ZNF804B: variants seen among roughly 807,000 people sequenced by gnomAD.
ZNF804B encodes the protein zinc finger 804B.
In ZNF804B, 80 loss-of-function variants were observed where a neutral mutation model predicts 101.4. The ratio of observed to expected loss-of-function variants is 0.79; its 90% confidence interval spans 0.66 to 0.95. ZNF804B has a LOEUF of 0.95. Ranked by LOEUF, ZNF804B falls within the 40% of genes least tolerant of loss-of-function variation. ZNF804B has a pLI of 0.00. For missense variants in ZNF804B, 1,673 were observed against 1,561.9 expected (o/e 1.07, Z -1.20); for synonymous variants, 622 against 558.8 (o/e 1.11, Z -1.59).
intron 1 of ZNF804B, among the ~76,000 whole-genome samples, chr7:89,035,907 T>A (rs1207159945): frequency 1.4e-5 from 2 of 145,196 alleles, no homozygotes; most frequent in African/African-American, 2.5e-5. Flanking sequence ...ATTATATATT[T>A]ATATATTATA....
At chr7:89,249,803 A>G (rs1245253832) in intron 2 of ZNF804B, among the ~76,000 whole-genome samples, 1 of 152,196 alleles carries the variant, frequency 6.6e-6, no homozygotes, top group African/African-American at 2.4e-5. Context: ...GAAGTGAATG[A>G]AATTGAGACC....
At chr7:89,138,048 G>A (rs764832764) in intron 1 of ZNF804B, among the ~76,000 whole-genome samples, 4 of 152,148 alleles carry the variant, frequency 2.6e-5, no homozygotes, top group African/African-American at 9.6e-5. Flanking sequence ...GAGCCTTCAG[G>A]TGCACAGAAG....
At chr7:88,937,497 C>T (rs529103480) in intron 1 of ZNF804B, among the ~76,000 whole-genome samples, 1 of 151,970 alleles carries the variant, frequency 6.6e-6, no homozygotes, top group Non-Finnish European at 1.5e-5. Flanking sequence ...GCATCAAAAC[C>T]CCAGCTTCCC....
Position 88,773,888 on chromosome 7 carries a change from A to T in ZNF804B, c.108+13804A>T, listed in dbSNP as rs1042264652. Among the ~76,000 whole-genome samples the T allele has an allele frequency of 5.3e-5, 8 of 152,198 alleles. No homozygotes were observed. In the East Asian group the frequency reaches 1.6e-3, roughly 30 times the overall value. On this transcript the variant is annotated intron_variant, in intron 1 of 3. Transcript: ENST00000333190. Reference sequence around the variant, plus strand: ...TGAGGACAGCACAAAGCCATGAGGGATCCGCCCCAGTGATCTGAACACCTC... The same window carrying T: ...TGAGGACAGCACAAAGCCATGAGGGTTCCGCCCCAGTGATCTGAACACCTC...
rs1584115713 is a variant in ZNF804B, at chr7:89,305,468, T to C, written c.250-21876T>C. Among the ~76,000 whole-genome samples the C allele has an allele frequency of 2.0e-5, 3 of 151,970 alleles. No homozygotes were observed. The South Asian group carries it at 6.2e-4, about 31-fold the overall frequency. The stretch of plus-strand genomic sequence containing the variant: ...AGAGGCTGGTGTAATTTTGAGTAGG[T>C]AGTGTCTCTGTCATAGTGTCCATTT... On this transcript the variant is annotated intron_variant, in intron 2 of 3. Transcript: ENST00000333190.
intron 2 of ZNF804B, among the ~76,000 whole-genome samples, chr7:89,302,780 C>T (rs1473761675): frequency 1.3e-5 from 2 of 151,884 alleles, no homozygotes; most frequent in East Asian, 3.9e-4. Flanking sequence ...ATGCCTATCT[C>T]CATTCCCTTC....
At chr7:89,112,030 TG>T (rs1790224978) in intron 1 of ZNF804B, among the ~76,000 whole-genome samples, 2 of 147,082 alleles carry the variant, frequency 1.4e-5, no homozygotes, top group Non-Finnish European at 3.0e-5. Context: ...CGCTTGAACC[TG>T]GGAGACCTAG....
At chr7:89,270,431 G>C (rs1789874284) in intron 2 of ZNF804B, among the ~76,000 whole-genome samples, 1 of 152,118 alleles carries the variant, frequency 6.6e-6, no homozygotes. Context: ...CTATATTTCT[G>C]TTTTGGTACC....
At chr7:89,090,505 A>T (rs536344936) in intron 1 of ZNF804B, among the ~76,000 whole-genome samples, 1 of 152,232 alleles carries the variant, frequency 6.6e-6, no homozygotes, top group Admixed American at 6.5e-5. Context: ...AAATAAATGT[A>T]ACCCAAAATA....
At chr7:89,237,500 A>C (rs549490351) in intron 2 of ZNF804B, among the ~76,000 whole-genome samples, 1 of 152,318 alleles carries the variant, frequency 6.6e-6, no homozygotes, top group South Asian at 2.1e-4. Context: ...ATGTTAAAGT[A>C]CTTCATAAGT....
At chr7:89,291,745 T>A (rs1208890) in intron 2 of ZNF804B, among the ~76,000 whole-genome samples, 138,697 of 152,178 alleles carry the variant, frequency 0.91, 63,337 homozygotes, top group East Asian at 1. Flanking sequence ...AACTTCCTAA[T>A]CCTAGAGAAA....
At chr7:89,138,328 A>AG (rs1299636305) in intron 1 of ZNF804B, among the ~76,000 whole-genome samples, 1 of 152,106 alleles carries the variant, frequency 6.6e-6, no homozygotes, top group Non-Finnish European at 1.5e-5. Context: ...CTCTTGCTTC[A>AG]GCGTGACCTG....
chr7:89,103,849 T>C (rs987996134), intron 1 of ZNF804B, among the ~76,000 whole-genome samples: 10 of 152,052 alleles, frequency 6.6e-5, no homozygotes, highest in Non-Finnish European at 7.4e-5. Context: ...TCATTCAGTA[T>C]GACATTGGTT....
chr7:89,012,543 G>A (rs1006930911), intron 1 of ZNF804B, among the ~76,000 whole-genome samples: 3 of 152,170 alleles, frequency 2.0e-5, no homozygotes, highest in African/African-American at 7.2e-5. Context: ...GAGGCCATCA[G>A]TCTTTTTGCT....
chr7:89,328,170 T>C (rs940812505), intron 3 of ZNF804B, among the ~76,000 whole-genome samples: 1 of 151,948 alleles, frequency 6.6e-6, no homozygotes. Flanking sequence ...GTGAAACTTA[T>C]GCCTCTGTGC....
chr7:89,186,958 C>T (rs142781490), intron 1 of ZNF804B, among the ~76,000 whole-genome samples: 1 of 152,144 alleles, frequency 6.6e-6, no homozygotes, highest in African/African-American at 2.4e-5. Context: ...AGGCAAACCA[C>T]TTTTCTAGCC....
intron 1 of ZNF804B, among the ~76,000 whole-genome samples, chr7:89,159,089 G>T (rs969162513): frequency 1.3e-5 from 2 of 152,094 alleles, no homozygotes; most frequent in African/African-American, 4.8e-5. Context: ...CTAGTACCTT[G>T]AGAGGAGTGA....
chr7:88,865,565 A>G (rs965946832), intron 1 of ZNF804B, among the ~76,000 whole-genome samples: 11 of 152,142 alleles, frequency 7.2e-5, no homozygotes, highest in Non-Finnish European at 1.6e-4. Flanking sequence ...ACATAAATGC[A>G]TATATAAAAT....
At chr7:88,978,545 C>A (rs1793649982) in intron 1 of ZNF804B, among the ~76,000 whole-genome samples, 1 of 151,462 alleles carries the variant, frequency 6.6e-6, no homozygotes, top group African/African-American at 2.4e-5. Flanking sequence ...TTTTGGTTTC[C>A]ATTGCCATGT....
Sources: gnomAD v4.1 joint callset for allele counts (sites outside exome capture counted in the v4.1 genomes callset) on GRCh38, gnomAD v4.1.1 for gene constraint, MANE v1.5 for transcripts, NCBI Gene and HGNC (gene_info 2026-07-23, HGNC 2026-07-21) for gene names.